Variants in SLC22A2 observed in about 807,000 individuals in gnomAD.
SLC22A2 encodes organic cation transporter 2.
SLC22A2 carries 46 observed loss-of-function variants against 60.5 expected under a neutral mutation model. The ratio of observed to expected loss-of-function variants is 0.76; its 90% CI spans 0.60 to 0.97. SLC22A2 has a LOEUF of 0.97. Among genes scored for constraint, SLC22A2 ranks in the 50% least tolerant of loss-of-function variants. The pLI is 0.00. For synonymous variants in SLC22A2, 303 were observed against 267.0 expected, an observed-to-expected ratio of 1.13 and a Z score of -1.31; for missense variants, 701 against 706.6, an observed-to-expected ratio of 0.99 and a Z score of 0.09.
At chr6:160,248,558 T>C (rs1452755184) in intron 4 of SLC22A2, among the ~76,000 whole-genome samples, 1 of 152,212 alleles carries the variant, frequency 6.6e-6, no homozygotes, top group African/African-American at 2.4e-5. Flanking sequence ...AAATGGGTTG[T>C]AGCATGGGAG....
At chr6:160,234,210 C>A (rs1782874128) in intron 9 of SLC22A2, among the ~76,000 whole-genome samples, 1 of 152,170 alleles carries the variant, frequency 6.6e-6, no homozygotes, top group African/African-American at 2.4e-5. Flanking sequence ...CCCACCCTAT[C>A]TCCTTTCACT....
chr6:160,236,002 T>C (rs532627029), intron 9 of SLC22A2, among the ~76,000 whole-genome samples: 221 of 152,348 alleles, frequency 1.5e-3, no homozygotes, highest in African/African-American at 4.7e-3. Flanking sequence ...GTAATAATTA[T>C]AATTGCTATG....
At chr6:160,242,524 A>C in intron 7 of SLC22A2, 122 bp from the exon 8 acceptor site, 2 of 668,832 alleles carry the variant, frequency 3.0e-6, no homozygotes, top group Non-Finnish European at 5.5e-6. Context: ...AAGAAAAATG[A>C]CTTCTTCTAT....
rs762372692 is a variant in SLC22A2 at position 160,245,438 on chromosome 6, C to G, written c.1064+1G>C. On this transcript the variant is annotated splice_donor_variant, in intron 6 of 10. Transcript: ENST00000366953. LOFTEE classifies it high-confidence loss of function. Reference sequence around the variant, plus strand: ...ATTTCAAAGTGAAAAATATTCCTTACCAGTTGTACATCAATATCATAGTAT... The same window carrying G: ...ATTTCAAAGTGAAAAATATTCCTTAGCAGTTGTACATCAATATCATAGTAT... The G allele has an allele frequency of 6.7e-7, 1 of 1,503,550 alleles. No homozygotes were observed. Among genetic ancestry groups the G allele is most frequent in the Non-Finnish European group, 9.2e-7 (1 of 1,090,098 alleles). The allele number at this position is 1,503,550 out of a possible 1,614,324, so 93.1% of individuals were successfully genotyped here. A position where few individuals can be genotyped will look rare whatever the true frequency, so the allele number is the denominator to read the frequency against.
chr6:160,241,945 T>A (rs1229635731), intron 8 of SLC22A2, among the ~76,000 whole-genome samples: 1 of 17,476 alleles, frequency 5.7e-5, no homozygotes, highest in Non-Finnish European at 2.9e-4. Flanking sequence ...AACCTTAAAT[T>A]TTTTTTTAAT....
intron 8 of SLC22A2, 77 bp from the exon 9 acceptor site, chr6:160,241,663 C>T (rs534720462): frequency 1.1e-6 from 1 of 881,608 alleles, no homozygotes; most frequent in East Asian, 2.5e-5. Flanking sequence ...CCTGAATAAA[C>T]ACTTCCTCAA....
rs182886082 is a variant in SLC22A2 at position 160,231,637 on chromosome 6, C to T, written c.1502-6833G>A. On this transcript the variant is annotated intron_variant, in intron 9 of 10. Transcript: ENST00000366953. ...GCCTTACAGGTTAGTTCAGGATCTG[C>T]GCCTTATCAACCAAATTGTTTTGCC... Among the ~76,000 whole-genome samples the T allele has an allele frequency of 2.5e-4, 38 of 151,958 alleles. No homozygotes were observed. In the East Asian group the frequency reaches 5.0e-3, roughly 20 times the overall value.
rs776214789 is a variant in SLC22A2 at position 160,242,351 on chromosome 6, G to A, written c.1331C>T (p.Thr444Ile). The change falls in exon 8 of 11, where the codon ACA (threonine) becomes ATA (isoleucine). Residue 444 changes from threonine (T) to isoleucine (I), a missense_variant. Thr to Ile is a moderately conservative substitution (Grantham distance 89, BLOSUM62 -1). Coordinates refer to ENST00000366953, the MANE Select transcript of SLC22A2 (RefSeq NM_003058.4). ...IISCLGRMGI[T>I]MAYEIVCLVN... ...CAGGCAGACTATCTCATAGGCCATTGTGATCCCCATTCTTCCCAAGCATGA... is the reference window on the plus strand; with the variant it reads ...CAGGCAGACTATCTCATAGGCCATTATGATCCCCATTCTTCCCAAGCATGA... 1.2e-6 allele frequency: 2 copies of A among 1,610,716 alleles called. No homozygotes were observed. Among genetic ancestry groups the A allele is most frequent in the South Asian group, 2.2e-5 (2 of 91,016 alleles).
intron 9 of SLC22A2, among the ~76,000 whole-genome samples, chr6:160,233,430 G>A (rs1414453368): frequency 2.0e-5 from 3 of 151,706 alleles, no homozygotes; most frequent in Non-Finnish European, 4.4e-5. Flanking sequence ...TTCAGGAAAG[G>A]TAAAATGGAC....
chr6:160,230,808 G>A (rs920890113), intron 9 of SLC22A2, among the ~76,000 whole-genome samples: 9 of 84,246 alleles, frequency 1.1e-4, no homozygotes, highest in African/African-American at 1.7e-4. Flanking sequence ...AATGCCTGCA[G>A]CCTGGGCTTC....
At position 160,245,391 on chromosome 6, in the gene SLC22A2, G is replaced by C. The variant is rs1162208022; in HGVS notation, c.1064+48C>G. ...CTTCCCTTCCTTACTATGGATGACT[G>C]TGATTAAAACAATTTGGAGGCATTT... On this transcript the variant is annotated intron_variant, in intron 6 of 10. Coordinates refer to ENST00000366953, the MANE Select transcript of SLC22A2 (RefSeq NM_003058.4). The C allele has an allele frequency of 1.5e-5, 16 of 1,074,110 alleles. No homozygotes were observed. In the East Asian group the frequency reaches 3.9e-4, roughly 26 times the overall value. 66.5% of individuals were successfully genotyped at this position (1,074,110 alleles called of 1,614,324 possible).
chr6:160,231,609 C>A (rs563070963), intron 9 of SLC22A2, among the ~76,000 whole-genome samples: 2 of 151,904 alleles, frequency 1.3e-5, no homozygotes, highest in African/African-American at 2.4e-5. Flanking sequence ...TAAAACCAGA[C>A]AAGCCTTACA....
intron 9 of SLC22A2, among the ~76,000 whole-genome samples, chr6:160,239,663 G>A (rs1460714087): frequency 6.6e-6 from 1 of 152,118 alleles, no homozygotes; most frequent in Non-Finnish European, 1.5e-5. Context: ...ACCTCCTCAT[G>A]ATGAAAAGAG....
chr6:160,224,537 T>A (rs1184667874), intron 10 of SLC22A2, among the ~76,000 whole-genome samples, 168 bp downstream of exon 10: 1 of 152,238 alleles, frequency 6.6e-6, no homozygotes, highest in African/African-American at 2.4e-5. Context: ...TCGTATAATG[T>A]CTTTGTAATT....
At chr6:160,234,180 C>A (rs901256205) in intron 9 of SLC22A2, among the ~76,000 whole-genome samples, 15 of 152,114 alleles carry the variant, frequency 9.9e-5, no homozygotes, top group African/African-American at 3.4e-4. Context: ...CCTTTACCTA[C>A]CCACATCCTA....
At chr6:160,232,201 C>G (rs934816204) in intron 9 of SLC22A2, among the ~76,000 whole-genome samples, 15 of 151,978 alleles carry the variant, frequency 9.9e-5, no homozygotes, top group Non-Finnish European at 1.6e-4. Context: ...GATACCACAC[C>G]TGACCCCCAT....
intron 9 of SLC22A2, among the ~76,000 whole-genome samples, chr6:160,238,017 C>G (rs556848397): frequency 1.2e-4 from 18 of 152,380 alleles, no homozygotes; most frequent in African/African-American, 4.3e-4. Flanking sequence ...CTTTGTTTAG[C>G]ATATAATTAA....
At chr6:160,247,509 C>A (rs1312723631) in intron 4 of SLC22A2, among the ~76,000 whole-genome samples, 1 of 152,190 alleles carries the variant, frequency 6.6e-6, no homozygotes, top group Non-Finnish European at 1.5e-5. Flanking sequence ...AAGCAAGCTG[C>A]AAAGCAGGGT....
At chr6:160,231,497 A>G (rs1782823536) in intron 9 of SLC22A2, among the ~76,000 whole-genome samples, 1 of 151,886 alleles carries the variant, frequency 6.6e-6, no homozygotes, top group Admixed American at 6.5e-5. Context: ...CTCATCCTGC[A>G]GCATGCTTTA....
Sources: gnomAD v4.1 joint callset for allele counts (sites outside exome capture counted in the v4.1 genomes callset) on GRCh38, gnomAD v4.1.1 for gene constraint, MANE v1.5 for transcripts, NCBI Gene and HGNC (gene_info 2026-07-23, HGNC 2026-07-21) for gene names.